KCNQ5: variants seen among roughly 807,000 people sequenced by gnomAD.
KCNQ5 encodes the protein potassium voltage-gated channel subfamily Q member 5.
KCNQ5 carries 30 observed loss-of-function variants against 98.2 expected under a neutral mutation model. The observed-to-expected ratio is 0.31, with a 90% CI of 0.23 to 0.41. KCNQ5 has a LOEUF of 0.41. KCNQ5 is among the 10% of genes least tolerant of loss of function. The pLI, the probability that KCNQ5 is intolerant of heterozygous loss-of-function variation, is 1.00. For missense variants in KCNQ5, 835 were observed against 1,182.5 expected (o/e 0.71, Z 4.31); for synonymous variants, 458 against 449.4 (o/e 1.02, Z -0.24).
At chr6:72,970,708 T>G (rs1767848523) in intron 1 of KCNQ5, among the ~76,000 whole-genome samples, 1 of 152,122 alleles carries the variant, frequency 6.6e-6, no homozygotes, top group Non-Finnish European at 1.5e-5. Flanking sequence ...TCTACAACTA[T>G]CTGATCTTTG....
chr6:72,997,012 G>A lies in KCNQ5; in HGVS notation c.399-6896G>A, dbSNP rs983757972. Among the ~76,000 whole-genome samples the A allele has an allele frequency of 7.9e-5, 12 of 152,246 alleles. No homozygotes were observed. The East Asian group carries it at 2.3e-3, about 29-fold the overall frequency. Reference sequence around the variant, plus strand: ...TCCAGATCCTGACCAAGGAGTAAAGGTCCCAGACAAGGAGAGCGAACTCAG... The same window carrying A: ...TCCAGATCCTGACCAAGGAGTAAAGATCCCAGACAAGGAGAGCGAACTCAG... On this transcript the variant is annotated intron_variant, in intron 1 of 13. Coordinates refer to ENST00000370398, the MANE Select transcript of KCNQ5 (RefSeq NM_019842.4).
rs926037312 is a variant in KCNQ5 at position 72,796,305 on chromosome 6, G to A, written c.398+173718G>A. On this transcript the variant is annotated intron_variant, in intron 1 of 13. Transcript: ENST00000370398. ...TCCCATTATTTGAGATTTTGTCATT[G>A]TCAGTTTGAGTTTACATTTGAAAAT... 7.9e-5 allele frequency among the ~76,000 whole-genome samples: 12 copies of A among 152,204 alleles called. 1 individual carries two copies. Among genetic ancestry groups the A allele is most frequent in the Middle Eastern group, 3.4e-3 (1 of 294 alleles).
intron 1 of KCNQ5, among the ~76,000 whole-genome samples, chr6:72,691,938 G>A (rs1768231865): frequency 6.6e-6 from 1 of 152,186 alleles, no homozygotes; most frequent in African/African-American, 2.4e-5. Flanking sequence ...AACTTGTAGT[G>A]TGCAGGGTCA....
intron 1 of KCNQ5, among the ~76,000 whole-genome samples, chr6:72,674,048 TA>T (rs139320147): frequency 1.5e-4 from 23 of 152,290 alleles, no homozygotes; most frequent in African/African-American, 5.1e-4. Context: ...TATATTATAA[TA>T]AAAAATTGTC....
At chr6:72,982,487 C>CTTTTTTTTTTTTTTTTTTTTTT (rs141947372) in intron 1 of KCNQ5, among the ~76,000 whole-genome samples, 1 of 60,260 alleles carries the variant, frequency 1.7e-5, no homozygotes, top group African/African-American at 7.3e-5. Flanking sequence ...GCAACCCCTG[C>CTTTTTTTTTTTTTTTTTTTTTT]TTTTTTTTTT....
intron 1 of KCNQ5, among the ~76,000 whole-genome samples, chr6:72,782,931 T>C (rs1415460870): frequency 6.6e-6 from 1 of 152,178 alleles, no homozygotes; most frequent in Non-Finnish European, 1.5e-5. Context: ...CCAGGAATTA[T>C]AAGGAGTAAG....
intron 1 of KCNQ5, among the ~76,000 whole-genome samples, chr6:72,958,523 T>C (rs559231205): frequency 1.3e-5 from 2 of 152,340 alleles, no homozygotes; most frequent in African/African-American, 4.8e-5. Context: ...GCTCTCACTT[T>C]AAGTGTCTAT....
intron 10 of KCNQ5, among the ~76,000 whole-genome samples, chr6:73,166,389 T>C (rs1777795548): frequency 6.6e-6 from 1 of 151,478 alleles, no homozygotes; most frequent in South Asian, 2.1e-4. Context: ...TGAGCCGAGA[T>C]CATGCCACTG....
At chr6:72,935,063 T>A (rs1277953322) in intron 1 of KCNQ5, among the ~76,000 whole-genome samples, 2 of 146,198 alleles carry the variant, frequency 1.4e-5, no homozygotes, top group African/African-American at 5.0e-5. Flanking sequence ...CCTTGTTCTA[T>A]CTTTTTTTTT....
chr6:72,804,134 T>A (rs1036377833), intron 1 of KCNQ5, among the ~76,000 whole-genome samples: 1 of 152,100 alleles, frequency 6.6e-6, no homozygotes, highest in Non-Finnish European at 1.5e-5. Context: ...GGCATGATAA[T>A]CACATCACCT....
chr6:72,935,064 CTTTTT>C (rs59215198), intron 1 of KCNQ5, among the ~76,000 whole-genome samples: 3 of 99,226 alleles, frequency 3.0e-5, no homozygotes, highest in Admixed American at 1.2e-4. Context: ...CTTGTTCTAT[CTTTTT>C]TTTTTTTTTT....
chr6:72,850,086 TATA>T (rs1731038851), intron 1 of KCNQ5, among the ~76,000 whole-genome samples: 1 of 152,186 alleles, frequency 6.6e-6, no homozygotes, highest in Non-Finnish European at 1.5e-5. Flanking sequence ...CAAGAAATTT[TATA>T]ATATTAGGGT....
At chr6:73,020,445 A>T (rs1770550619) in intron 2 of KCNQ5, among the ~76,000 whole-genome samples, 1 of 151,808 alleles carries the variant, frequency 6.6e-6, no homozygotes, top group Non-Finnish European at 1.5e-5. Context: ...CCAAGATTCT[A>T]TGCCCTTCCT....
chr6:72,735,502 CTT>C, intron 1 of KCNQ5, among the ~76,000 whole-genome samples: 1 of 152,096 alleles, frequency 6.6e-6, no homozygotes. Flanking sequence ...TTTTTAATGT[CTT>C]AATAATGCAC....
intron 1 of KCNQ5, among the ~76,000 whole-genome samples, chr6:72,973,027 C>T (rs1767979123): frequency 6.6e-6 from 1 of 152,122 alleles, no homozygotes; most frequent in Non-Finnish European, 1.5e-5. Context: ...GATAGTTCTA[C>T]CAAATCTCCC....
chr6:72,707,543 T>G (rs1300649982), intron 1 of KCNQ5, among the ~76,000 whole-genome samples: 1 of 152,196 alleles, frequency 6.6e-6, no homozygotes, highest in African/African-American at 2.4e-5. Flanking sequence ...AAAATTGCCT[T>G]GAGAAAAATT....
intron 1 of KCNQ5, among the ~76,000 whole-genome samples, chr6:72,681,052 G>A (rs1767680438): frequency 1.3e-5 from 2 of 152,174 alleles, no homozygotes; most frequent in South Asian, 2.1e-4. Flanking sequence ...GTGTGGAAGG[G>A]CTATGAAAGC....
At chr6:72,725,144 T>G (rs1422017882) in intron 1 of KCNQ5, among the ~76,000 whole-genome samples, 1 of 152,178 alleles carries the variant, frequency 6.6e-6, no homozygotes, top group Non-Finnish European at 1.5e-5. Context: ...AAAAAAATCT[T>G]AATAGAGAAT....
intron 1 of KCNQ5, among the ~76,000 whole-genome samples, chr6:72,880,918 A>G (rs1778611801): frequency 1.3e-5 from 2 of 152,218 alleles, no homozygotes. Context: ...GATAGCCCTT[A>G]AGGCCAAATA....
Sources: gnomAD v4.1 joint callset for allele counts (sites outside exome capture counted in the v4.1 genomes callset) on GRCh38, gnomAD v4.1.1 for gene constraint, MANE v1.5 for transcripts, NCBI Gene and HGNC (gene_info 2026-07-23, HGNC 2026-07-21) for gene names.